HTR1F: variants seen among roughly 807,000 people sequenced by gnomAD.
HTR1F encodes the protein 5-hydroxytryptamine receptor 1F, also known as 5-hydroxytryptamine (serotonin) receptor 1F, G protein-coupled.
HTR1F carries 17 observed loss-of-function variants against 24.0 expected under a neutral mutation model. The ratio of observed to expected loss-of-function variants is 0.71; its 90% CI spans 0.48 to 1.06. The LOEUF (loss-of-function observed/expected upper bound fraction) is 1.06. HTR1F is among the 50% of genes least tolerant of loss of function. The probability of loss-of-function intolerance (pLI) is 0.00; values close to 1 mark genes in which losing one functional copy is unlikely to be tolerated. For missense variants in HTR1F, 391 were observed against 427.8 expected (o/e 0.91, Z 0.76); for synonymous variants, 186 against 156.8 (o/e 1.19, Z -1.39).
intron 2 of HTR1F, among the ~76,000 whole-genome samples, chr3:87,881,787 G>T (rs1445073308): frequency 1.3e-5 from 2 of 152,106 alleles, no homozygotes; most frequent in East Asian, 3.9e-4. Flanking sequence ...TACCATTCAG[G>T]ACATAGGCAT....
intron 2 of HTR1F, among the ~76,000 whole-genome samples, chr3:87,871,650 C>G (rs981730979): frequency 6.6e-6 from 1 of 151,970 alleles, no homozygotes; most frequent in Non-Finnish European, 1.5e-5. Context: ...AAAAAATTAT[C>G]TTGAAAGCCC....
At chr3:87,990,354 G>A (rs1459101193) in intron 2 of HTR1F, among the ~76,000 whole-genome samples, 2 of 152,042 alleles carry the variant, frequency 1.3e-5, no homozygotes, top group African/African-American at 2.4e-5. Context: ...GGAGGCCTGC[G>A]TTATTGAGAT....
At chr3:87,887,180 C>T (rs1285347849) in intron 2 of HTR1F, among the ~76,000 whole-genome samples, 1 of 152,264 alleles carries the variant, frequency 6.6e-6, no homozygotes, top group East Asian at 1.9e-4. Flanking sequence ...CACACATCTA[C>T]AACCATCTGG....
chr3:87,850,880 G>A (rs911077336), intron 2 of HTR1F, among the ~76,000 whole-genome samples: 1 of 149,814 alleles, frequency 6.7e-6, no homozygotes. Flanking sequence ...GCTCTCTTCT[G>A]GAATTAGGTG....
chr3:87,969,025 A>G (rs998676455), intron 2 of HTR1F, among the ~76,000 whole-genome samples: 4 of 152,022 alleles, frequency 2.6e-5, no homozygotes, highest in Non-Finnish European at 5.9e-5. Context: ...TGAGTCTGCA[A>G]GTGCACAGCA....
At chr3:87,887,381 A>C (rs1705974453) in intron 2 of HTR1F, among the ~76,000 whole-genome samples, 1 of 152,206 alleles carries the variant, frequency 6.6e-6, no homozygotes, top group Non-Finnish European at 1.5e-5. Flanking sequence ...CCTAGAAGAA[A>C]ACCTAGGCAA....
At chr3:87,930,308 T>A (rs926793567) in intron 2 of HTR1F, among the ~76,000 whole-genome samples, 28 of 152,186 alleles carry the variant, frequency 1.8e-4, no homozygotes, top group African/African-American at 6.5e-4. Context: ...TGTCCAGGAC[T>A]TCCAATACTA....
chr3:87,991,483 A>G lies in HTR1F; in HGVS notation c.734A>G (p.Tyr245Cys). 6.2e-7 allele frequency: 1 copy of G among 1,614,128 alleles called. No homozygotes were observed. The highest frequency in any genetic ancestry group is 8.5e-7 in the Non-Finnish European group (1 of 1,180,008). ...EKSTKSVSTS[Y>C]VLEKSLSDPS... ...AGCACTAAATCAGTTTCCACATCCT[A>G]TGTACTAGAAAAGTCTTTATCTGAC... The change falls in exon 3 of 3, where the codon TAT (tyrosine) becomes TGT (cysteine). Residue 245 changes from tyrosine to cysteine, a missense_variant. By Grantham distance (194) the Tyr-to-Cys change is radical (BLOSUM62 -2). Transcript: ENST00000319595.
intron 2 of HTR1F, among the ~76,000 whole-genome samples, chr3:87,831,172 A>G (rs893868961): frequency 4.0e-5 from 6 of 151,858 alleles, no homozygotes; most frequent in African/African-American, 1.5e-4. Flanking sequence ...TCTTATATAT[A>G]TGAGAAGAAT....
chr3:87,902,985 T>C (rs1419206326), intron 2 of HTR1F, among the ~76,000 whole-genome samples: 9 of 151,476 alleles, frequency 5.9e-5, no homozygotes, highest in South Asian at 4.2e-4. Context: ...TCTACAACTA[T>C]CTGATCTTTG....
At chr3:87,896,133 G>T (rs1706194328) in intron 2 of HTR1F, among the ~76,000 whole-genome samples, 1 of 152,152 alleles carries the variant, frequency 6.6e-6, no homozygotes, top group African/African-American at 2.4e-5. Context: ...TCTGAATGCT[G>T]CTGTCTCCCA....
chr3:87,819,323 C>T (rs1418889452), intron 1 of HTR1F, among the ~76,000 whole-genome samples: 1 of 151,168 alleles, frequency 6.6e-6, no homozygotes, highest in Non-Finnish European at 1.5e-5. Flanking sequence ...ATACAAATCC[C>T]ATTGTTATAC....
intron 2 of HTR1F, among the ~76,000 whole-genome samples, chr3:87,863,566 T>G (rs955562535): frequency 2.0e-5 from 3 of 152,194 alleles, no homozygotes; most frequent in African/African-American, 7.2e-5. Context: ...TTTTTTCCAG[T>G]TTCCAATAAC....
chr3:87,884,609 C>T (rs546294342), intron 2 of HTR1F, among the ~76,000 whole-genome samples: 199 of 152,200 alleles, frequency 1.3e-3, no homozygotes, highest in Non-Finnish European at 2.6e-3. Context: ...AGACCCATCT[C>T]ACATGCAGAG....
intron 2 of HTR1F, among the ~76,000 whole-genome samples, chr3:87,930,941 T>C (rs1316353540): frequency 6.6e-6 from 1 of 151,982 alleles, no homozygotes; most frequent in Non-Finnish European, 1.5e-5. Context: ...ATTCAATAAG[T>C]GAATAAAACC....
chr3:87,989,698 T>C (rs1220039874), intron 2 of HTR1F, among the ~76,000 whole-genome samples: 3 of 152,216 alleles, frequency 2.0e-5, no homozygotes, highest in Admixed American at 2.0e-4. Flanking sequence ...TAGTTTTTAA[T>C]ATAATATTTT....
At chr3:87,872,956 T>C (rs76760453) in intron 2 of HTR1F, among the ~76,000 whole-genome samples, 1 of 152,016 alleles carries the variant, frequency 6.6e-6, no homozygotes, top group Non-Finnish European at 1.5e-5. Context: ...AGGAATATGC[T>C]GATACAAAAG....
intron 2 of HTR1F, among the ~76,000 whole-genome samples, chr3:87,939,576 C>T (rs970882867): frequency 9.9e-5 from 15 of 152,126 alleles, no homozygotes; most frequent in African/African-American, 2.9e-4. Flanking sequence ...GTTCAGGATT[C>T]GACTTCTTCC....
chr3:87,879,903 C>A (rs2107277215), intron 2 of HTR1F, among the ~76,000 whole-genome samples: 1 of 152,044 alleles, frequency 6.6e-6, no homozygotes, highest in East Asian at 1.9e-4. Context: ...CTAAAATGTA[C>A]AAACAGAACA....
Sources: gnomAD v4.1 joint callset for allele counts (sites outside exome capture counted in the v4.1 genomes callset) on GRCh38, gnomAD v4.1.1 for gene constraint, MANE v1.5 for transcripts, NCBI Gene and HGNC (gene_info 2026-07-23, HGNC 2026-07-21) for gene names.